Variants in CP observed in about 807,000 individuals in gnomAD.
CP encodes the protein caeruloplasmin.
CP carries 64 observed loss-of-function variants against 122.4 expected under a neutral mutation model. That is an observed-to-expected ratio of 0.52 (90% confidence interval 0.43 to 0.64). The LOEUF is 0.64. Among genes scored for constraint, CP ranks in the 30% least tolerant of loss-of-function variants. The pLI is 0.00. For missense variants in CP, 1,167 were observed against 1,284.4 expected, an observed-to-expected ratio of 0.91 and a Z score of 1.40; for synonymous variants, 440 against 436.4, an observed-to-expected ratio of 1.01 and a Z score of -0.10.
rs1726299475 is a variant in CP, at chr3:149,188,167, T to C, written c.1749A>G (p.Thr583=). Reference sequence around the variant, plus strand: ...GTAAACTCTCATTCTCATCAAATACTGTAGGAAACAAATAGAATTCCTTGT... The same window carrying C: ...GTAAACTCTCATTCTCATCAAATACCGTAGGAAACAAATAGAATTCCTTGT... The part of the protein sequence containing the change: ...DVDKEFYLFP[T]VFDENESLLL... The change falls in exon 10 of 19, where the codon ACA becomes ACG. Residue 583 remains threonine, a synonymous_variant. Coordinates refer to ENST00000264613, the MANE Select transcript of CP (RefSeq NM_000096.4). 1 of 1,612,412 alleles carries C rather than the reference T, an allele frequency of 6.2e-7. No individual in the cohort carries two copies. Among genetic ancestry groups the C allele is most frequent in the Admixed American group, 1.7e-5 (1 of 59,966 alleles).
At chr3:149,187,873 A>G (rs957429746) in intron 10 of CP, 179 bp downstream of exon 10, 54 of 649,088 alleles carry the variant, frequency 8.3e-5, no homozygotes, top group Admixed American at 3.5e-4. Context: ...AATTAAGTGA[A>G]ATAATGGATA....
intron 17 of CP, 126 bp downstream of exon 17, chr3:149,177,714 G>A (rs938057800): frequency 1.0e-4 from 103 of 982,266 alleles, no homozygotes; most frequent in Middle Eastern, 2.2e-4. Flanking sequence ...GGGAATCCAC[G>A]GATATGAAGC....
exon 6 of CP, chr3:149,162,620 T>G (rs759977485): frequency 4.7e-6 from 7 of 1,479,062 alleles, no homozygotes; most frequent in Non-Finnish European, 5.7e-6. Context: ...GCTGTGATAT[T>G]CAGCCCAGCT....
chr3:149,181,977 C>CGGGGGGGG, intron 14 of CP, 28 bp downstream of exon 14: 1 of 476,450 alleles, frequency 2.1e-6, no homozygotes, highest in Non-Finnish European at 4.0e-6. Context: ...TTAAAATGCA[C>CGGGGGGGG]CACCCCCACC....
Position 149,205,179 on chromosome 3 carries a change from G to A in CP, c.1208+989C>T, listed in dbSNP as rs932732847. 5.3e-5 allele frequency among the ~76,000 whole-genome samples: 8 copies of A among 150,250 alleles called. 1 individual carries two copies. The South Asian group carries it at 1.7e-3, about 32-fold the overall frequency. ...AAATATCACTTATGCTCATTAGGAT[G>A]GTTATTATTAAAAAAAAAAACAAAA... On this transcript the variant is annotated intron_variant, in intron 6 of 18. Coordinates refer to ENST00000264613, the MANE Select transcript of CP (RefSeq NM_000096.4).
chr3:149,163,978 A>G (rs909396261), intron 5 of CP: 2 of 1,064,524 alleles, frequency 1.9e-6, no homozygotes, highest in African/African-American at 3.1e-5. Context: ...TTTTCTTATG[A>G]AATTGCATAT....
At chr3:149,188,264 A>C (rs2681094) in intron 9 of CP, 62 bp from the exon 10 acceptor site, 3 of 1,406,628 alleles carry the variant, frequency 2.1e-6, no homozygotes, top group Non-Finnish European at 3.0e-6. Flanking sequence ...TTCCATGTGC[A>C]CAATACTATT....
At chr3:149,213,211 A>C (rs35090057) in intron 1 of CP, among the ~76,000 whole-genome samples, 1 of 151,994 alleles carries the variant, frequency 6.6e-6, no homozygotes, top group African/African-American at 2.4e-5. Flanking sequence ...TAATTCTTTT[A>C]TATTTCTTTT....
chr3:149,190,377 G>C (rs892750995), intron 9 of CP, among the ~76,000 whole-genome samples: 2 of 152,130 alleles, frequency 1.3e-5, no homozygotes, highest in African/African-American at 4.8e-5. Flanking sequence ...ACATAAACAG[G>C]CTGGGTGCGG....
In CP at chr3:149,212,585, G is replaced by A. The variant is rs200823208; in HGVS notation, c.260C>T (p.Pro87Leu). The A allele has an allele frequency of 1.7e-5, 27 of 1,613,930 alleles. No homozygotes were observed. The highest frequency in any genetic ancestry group is 5.0e-5 in the Admixed American group (3 of 60,018). The change falls in exon 2 of 19, where the codon CCG becomes CTG. Residue 87 changes from proline to leucine, a missense_variant. Physicochemically the swap from Pro to Leu is moderately conservative, Grantham distance 98. Transcript: ENST00000264613. ...AGGGCCTAAAAACCCAAGCCAGACC[G>A]GTTTTTCTATAGTTGTCCTAAAGGT... ...DETFRTTIEK[P>L]VWLGFLGPII...
chr3:149,202,017 T>C, intron 7 of CP, 85 bp downstream of exon 7: 1 of 1,541,452 alleles, frequency 6.5e-7, no homozygotes, highest in Non-Finnish European at 9.0e-7. Context: ...AATCATGCAG[T>C]AGGTCCTGAA....
In CP at chr3:149,206,315, A is replaced by C; in HGVS notation, c.1061T>G (p.Val354Gly). The change falls in exon 6 of 19, where the codon GTC becomes GGC. Residue 354 changes from valine to glycine, a missense_variant. Val to Gly is a moderately radical substitution (Grantham distance 109). This residue lies in a region of CP where 642 missense variants were observed against 627.3 expected (regional missense o/e 1.02). Coordinates refer to ENST00000264613, the MANE Select transcript of CP (RefSeq NM_000096.4). ...TGATGAAGACTTGTTACACTCCTGG[A>C]CCTGGAAAAAGGCTTGCAAACCGGC... is the stretch of plus-strand genomic sequence containing the variant. ...LKAGLQAFFQ[V>G]QECNKSSSKD... 1 of 1,613,926 alleles carries C rather than the reference A, an allele frequency of 6.2e-7. No individual in the cohort carries two copies. The highest frequency in any genetic ancestry group is 8.5e-7 in the Non-Finnish European group (1 of 1,179,844).
chr3:149,204,977 G>C (rs1220562165), intron 6 of CP, among the ~76,000 whole-genome samples: 3 of 151,738 alleles, frequency 2.0e-5, no homozygotes, highest in African/African-American at 7.3e-5. Flanking sequence ...TTAATATCCT[G>C]AATATATAAA....
intron 9 of CP, 124 bp downstream of exon 9, chr3:149,198,243 T>C (rs1358770158): frequency 5.6e-6 from 4 of 710,610 alleles, no homozygotes; most frequent in Non-Finnish European, 4.8e-6. Flanking sequence ...AAAGAAGTCC[T>C]TATCTTTTAA....
chr3:149,221,281 G>A (rs1241137334), intron 1 of CP, among the ~76,000 whole-genome samples: 2 of 152,108 alleles, frequency 1.3e-5, no homozygotes, highest in Admixed American at 6.5e-5. Flanking sequence ...AAAATTTTAT[G>A]CCTATCATGA....
chr3:149,166,604 T>C (rs1039878937), intron 4 of CP, among the ~76,000 whole-genome samples: 1 of 152,224 alleles, frequency 6.6e-6, no homozygotes, highest in Non-Finnish European at 1.5e-5. Flanking sequence ...ATTATCTGAG[T>C]GTGCCATATG....
At chr3:149,209,535 G>T in intron 3 of CP, 151 bp from the exon 4 acceptor site, 1 of 804,894 alleles carries the variant, frequency 1.2e-6, no homozygotes. Context: ...TTTACAGACA[G>T]AAACACTCAG....
intron 1 of CP, among the ~76,000 whole-genome samples, chr3:149,216,482 A>G (rs1728466197): frequency 6.6e-6 from 1 of 152,166 alleles, no homozygotes; most frequent in Non-Finnish European, 1.5e-5. Flanking sequence ...TGGACTCTTC[A>G]GATAATCTCA....
downstream of CP, among the ~76,000 whole-genome samples, chr3:149,168,649 T>C (rs970316250): frequency 6.6e-6 from 1 of 152,156 alleles, no homozygotes; most frequent in Non-Finnish European, 1.5e-5. Context: ...GCCGAGTCAG[T>C]GGCCACTGGA....
Sources: allele counts gnomAD v4.1 joint callset (sites outside exome capture counted in the v4.1 genomes callset), GRCh38; gene constraint gnomAD v4.1.1; regional missense constraint gnomAD v4.1.1; transcripts MANE v1.5; gene names NCBI Gene and HGNC (gene_info 2026-07-23, HGNC 2026-07-21).